USP25: variants seen among roughly 807,000 people sequenced by gnomAD.
USP25 encodes the protein ubiquitin carboxyl-terminal hydrolase 25.
USP25 carries 85 observed loss-of-function variants against 158.5 expected under a neutral mutation model. The observed-to-expected ratio is 0.54, with a 90% CI of 0.45 to 0.64. The LOEUF (loss-of-function observed/expected upper bound fraction) is 0.64. USP25 is among the 30% of genes least tolerant of loss of function. USP25 has a pLI of 0.00. For synonymous variants in USP25, 464 were observed against 460.4 expected (o/e 1.01, Z -0.10); for missense variants, 1,242 against 1,327.3 (o/e 0.94, Z 1.00).
Position 15,831,469 on chromosome 21 carries a change from T to C in USP25, c.1833T>C (p.Tyr611=). The C allele has an allele frequency of 2.5e-6, 4 of 1,614,122 alleles. No individual in the cohort carries two copies. The highest frequency in any genetic ancestry group is 3.4e-6 in the Non-Finnish European group (4 of 1,179,970). Residue 611 remains tyrosine, a synonymous_variant, in exon 16 of 26, where the codon TAT becomes TAC. Transcript: ENST00000400183. The stretch of plus-strand genomic sequence containing the variant: ...CTAATGCTGGGCACTACTGGGCATA[T>C]ATTTTTGATCATCGTGAAAGCAGAT... ...GQANAGHYWA[Y]IFDHRESRWM...
intron 10 of USP25, among the ~76,000 whole-genome samples, chr21:15,822,295 A>G (rs937697326): frequency 6.6e-6 from 1 of 152,004 alleles, no homozygotes; most frequent in Non-Finnish European, 1.5e-5. Flanking sequence ...CAGCTTTAGA[A>G]TGAGAAAGTG....
At chr21:15,804,835 G>A (rs1177450594) in intron 6 of USP25, among the ~76,000 whole-genome samples, 1 of 152,120 alleles carries the variant, frequency 6.6e-6, no homozygotes, top group African/African-American at 2.4e-5. Context: ...CTTGAATGAG[G>A]AAGATATTCT....
intron 1 of USP25, among the ~76,000 whole-genome samples, chr21:15,748,834 A>C (rs1382559395): frequency 6.6e-6 from 1 of 152,160 alleles, no homozygotes; most frequent in East Asian, 1.9e-4. Flanking sequence ...CAACTAAGGA[A>C]ATCGGTATAT....
intron 8 of USP25, among the ~76,000 whole-genome samples, chr21:15,810,026 T>C (rs1240786605): frequency 1.3e-5 from 2 of 151,936 alleles, no homozygotes; most frequent in Admixed American, 6.6e-5. Context: ...TTAATGCATA[T>C]AGAGTTTCAG....
intron 20 of USP25, among the ~76,000 whole-genome samples, chr21:15,853,730 T>C (rs1320722274): frequency 2.0e-5 from 3 of 152,242 alleles, no homozygotes; most frequent in Non-Finnish European, 4.4e-5. Context: ...TATTTTGTGC[T>C]GTCTTCATCA....
intron 4 of USP25, among the ~76,000 whole-genome samples, chr21:15,781,340 G>C (rs994949721): frequency 6.6e-6 from 1 of 152,194 alleles, no homozygotes; most frequent in African/African-American, 2.4e-5. Context: ...TTTGGGTATT[G>C]TGATTGTGGC....
rs1035389077 is a variant in USP25, at chr21:15,813,157, T to C, written c.931+1947T>C. Among the ~76,000 whole-genome samples the C allele has an allele frequency of 3.3e-5, 5 of 152,150 alleles. 1 individual carries two copies. Among genetic ancestry groups the C allele is most frequent in the African/African-American group, 7.2e-5 (3 of 41,420 alleles). Reference sequence around the variant, plus strand: ...AACTGTAGTGGATCATGAATTTGAGTGATACTGAGCTTCCGTGCTCCCAAT... The same window carrying C: ...AACTGTAGTGGATCATGAATTTGAGCGATACTGAGCTTCCGTGCTCCCAAT... On this transcript the variant is annotated intron_variant, in intron 9 of 25. Coordinates refer to ENST00000400183, the MANE Select transcript of USP25 (RefSeq NM_001283041.3).
chr21:15,775,877 G>A (rs1279020245), intron 3 of USP25, among the ~76,000 whole-genome samples: 3 of 150,984 alleles, frequency 2.0e-5, no homozygotes, highest in African/African-American at 7.3e-5. Flanking sequence ...TTTTTTTTAT[G>A]TTTAGTTTCT....
chr21:15,783,353 G>A (rs1206105964), intron 4 of USP25, among the ~76,000 whole-genome samples: 1 of 152,164 alleles, frequency 6.6e-6, no homozygotes, highest in Non-Finnish European at 1.5e-5. Context: ...TAAATAGATT[G>A]CCTGTGTCCT....
intron 17 of USP25, among the ~76,000 whole-genome samples, chr21:15,838,713 A>G (rs2038182583): frequency 6.6e-6 from 1 of 152,202 alleles, no homozygotes; most frequent in African/African-American, 2.4e-5. Context: ...CGTAATAAGT[A>G]TTGACTTACT....
chr21:15,766,355 AT>A lies in USP25; in HGVS notation c.268+217del, dbSNP rs1044747992. On this transcript the variant is annotated intron_variant, in intron 3 of 25. Coordinates refer to ENST00000400183, the MANE Select transcript of USP25 (RefSeq NM_001283041.3). The surrounding 1 kb of genome is among the most constrained non-coding windows in gnomAD (Gnocchi z 4.0). ...TAAGTTATATAGTTTTTCATAGAGC[AT>A]TTCATATAGAATTTATTGTTTTGAA... Among the ~76,000 whole-genome samples, 18 of 152,078 alleles carry A rather than the reference AT, an allele frequency of 1.2e-4. No individual in the cohort carries two copies. The highest frequency in any genetic ancestry group is 4.3e-4 in the African/African-American group (18 of 41,450).
rs886845247 is a variant in USP25 at position 15,847,764 on chromosome 21, G to T, written c.2439G>T (p.Gly813=). The T allele has an allele frequency of 6.5e-7, 1 of 1,548,212 alleles. No homozygotes were observed. The highest frequency in any genetic ancestry group is 8.7e-7 in the Non-Finnish European group (1 of 1,144,892). Reference sequence around the variant, plus strand: ...TTATGATTGAATCAAAGGAGGGGGGGTATGATGACGAGGTACCTTTTACAG... The same window carrying T: ...TTATGATTGAATCAAAGGAGGGGGGTTATGATGACGAGGTACCTTTTACAG... The part of the protein sequence containing the change: ...GKFMIESKEG[G]YDDEIMMTPN... The change falls in exon 19 of 26, where the codon GGG becomes GGT. Residue 813 remains glycine, a synonymous_variant. Transcript: ENST00000400183.
At position 15,777,757 on chromosome 21, in the gene USP25, G is replaced by A; in HGVS notation, c.269-147G>A. 6.3e-6 allele frequency: 4 copies of A among 636,714 alleles called. No homozygotes were observed. In the South Asian group the frequency reaches 1.3e-4, roughly 21 times the overall value. The allele number at this position is 636,714 out of a possible 1,614,324, so 39.4% of individuals were successfully genotyped here. On this transcript the variant is annotated intron_variant, in intron 3 of 25. Transcript: ENST00000400183. The stretch of plus-strand genomic sequence containing the variant: ...AGTATGACCAGTTAAAAATATGTTT[G>A]CATTTATTTTTAGATAGGCTTTTAG...
chr21:15,753,313 C>G (rs1003715492), intron 1 of USP25, among the ~76,000 whole-genome samples: 1 of 152,168 alleles, frequency 6.6e-6, no homozygotes, highest in Non-Finnish European at 1.5e-5. Flanking sequence ...CAGGAGCTGG[C>G]TCCAACTGAC....
intron 16 of USP25, among the ~76,000 whole-genome samples, chr21:15,832,211 A>C (rs2037837483): frequency 6.6e-6 from 1 of 152,164 alleles, no homozygotes; most frequent in South Asian, 2.1e-4. Flanking sequence ...GCATCTGTCT[A>C]CTGGGCATTT....
intron 10 of USP25, among the ~76,000 whole-genome samples, chr21:15,822,835 C>A (rs966601732): frequency 6.6e-6 from 1 of 151,776 alleles, no homozygotes; most frequent in Non-Finnish European, 1.5e-5. Context: ...TTATTTAATC[C>A]GTTTCAGGTA....
intron 19 of USP25, among the ~76,000 whole-genome samples, chr21:15,849,176 G>A (rs995592289): frequency 1.3e-5 from 2 of 152,082 alleles, no homozygotes; most frequent in East Asian, 1.9e-4. Context: ...AAGTTGAATT[G>A]TGATTAATCA....
intron 9 of USP25, among the ~76,000 whole-genome samples, chr21:15,817,695 A>G (rs1211709640): frequency 6.6e-6 from 1 of 152,208 alleles, no homozygotes; most frequent in African/African-American, 2.4e-5. Context: ...GAAGAGAACA[A>G]GAGCCAAGCC....
At chr21:15,745,473 CTTTTTTTT>C (rs11284817) in intron 1 of USP25, among the ~76,000 whole-genome samples, 7 of 112,988 alleles carry the variant, frequency 6.2e-5, no homozygotes, top group African/African-American at 2.2e-4. Context: ...TTTTTCTTTT[CTTTTTTTT>C]TTTTTTTTTT....
Sources: gnomAD v4.1 joint callset for allele counts (sites outside exome capture counted in the v4.1 genomes callset) on GRCh38, gnomAD v4.1.1 for gene constraint, Gnocchi (gnomAD v3.1) non-coding constraint, MANE v1.5 for transcripts, NCBI Gene and HGNC (gene_info 2026-07-23, HGNC 2026-07-21) for gene names.